The following BBX variants were observed in gnomAD, a reference collection of about 807,000 sequenced individuals.
BBX encodes BBX high mobility group box domain containing.
In BBX, 30 loss-of-function variants were observed where a neutral mutation model predicts 100.2. The ratio of observed to expected loss-of-function variants is 0.30; its 90% CI spans 0.22 to 0.41. The LOEUF (loss-of-function observed/expected upper bound fraction) is 0.41, where lower values mean the gene tolerates loss of function less well. Among genes scored for constraint, BBX ranks in the 10% least tolerant of loss-of-function variants. The pLI, the probability that BBX is intolerant of heterozygous loss-of-function variation, is 1.00. For missense variants in BBX, 1,023 were observed against 1,129.8 expected (o/e 0.91, Z 1.35); for synonymous variants, 376 against 388.1 (o/e 0.97, Z 0.37).
At chr3:107,718,875 T>C (rs1213991895) in intron 5 of BBX, among the ~76,000 whole-genome samples, 1 of 152,108 alleles carries the variant, frequency 6.6e-6, no homozygotes, top group East Asian at 1.9e-4. Context: ...TGTTAGGAAA[T>C]GTTGCCTCAT....
At chr3:107,779,204 T>G (rs927205812) in intron 13 of BBX, among the ~76,000 whole-genome samples, 4 of 151,512 alleles carry the variant, frequency 2.6e-5, no homozygotes, top group African/African-American at 9.7e-5. Flanking sequence ...TAAAGGGGAT[T>G]GTAAGAGGGT....
intron 2 of BBX, among the ~76,000 whole-genome samples, chr3:107,543,599 C>A (rs1197938922): frequency 1.3e-5 from 2 of 152,112 alleles, no homozygotes; most frequent in Non-Finnish European, 2.9e-5. Context: ...CAGTTTAGTT[C>A]CCTGTGTCCT....
intron 2 of BBX, among the ~76,000 whole-genome samples, chr3:107,564,779 C>T (rs1338779004): frequency 6.6e-6 from 1 of 152,190 alleles, no homozygotes; most frequent in Non-Finnish European, 1.5e-5. Flanking sequence ...CTCTTGCTAT[C>T]AGATAGAGCA....
intron 3 of BBX, among the ~76,000 whole-genome samples, chr3:107,679,586 A>G (rs1311411815): frequency 6.6e-6 from 1 of 152,208 alleles, no homozygotes; most frequent in Non-Finnish European, 1.5e-5. Flanking sequence ...GTGTGTGGCT[A>G]GCAACATTGA....
At chr3:107,595,883 A>G (rs1260568282) in intron 2 of BBX, among the ~76,000 whole-genome samples, 2 of 152,228 alleles carry the variant, frequency 1.3e-5, no homozygotes, top group African/African-American at 4.8e-5. Flanking sequence ...ATAGCCTACT[A>G]TTGACTGGAA....
chr3:107,795,613 CTTTTTTTTTTTT>C (rs1158136233), intron 15 of BBX, among the ~76,000 whole-genome samples: 5 of 60,002 alleles, frequency 8.3e-5, no homozygotes, highest in Non-Finnish European at 1.5e-4. Flanking sequence ...CCGACGTAGT[CTTTTTTTTTTTT>C]TTTTTTTTTT....
intron 2 of BBX, among the ~76,000 whole-genome samples, chr3:107,589,021 G>C (rs1449193863): frequency 6.6e-6 from 1 of 152,180 alleles, no homozygotes. Context: ...AGGGGGATAT[G>C]TTACACCTAC....
At chr3:107,709,575 A>G (rs1476142407) in intron 3 of BBX, among the ~76,000 whole-genome samples, 1 of 152,370 alleles carries the variant, frequency 6.6e-6, no homozygotes. Flanking sequence ...TTTCCATGAC[A>G]GTAATTTCTA....
Position 107,806,575 on chromosome 3 carries a change from A to G in BBX, c.*1118A>G, listed in dbSNP as rs918892218. 1.3e-5 allele frequency: 2 copies of G among 152,332 alleles called. No homozygotes were observed. The highest frequency in any genetic ancestry group is 4.8e-5 in the African/African-American group (2 of 41,574). 9.4% of individuals were successfully genotyped at this position (152,332 alleles called of 1,614,324 possible). On this transcript the variant is annotated 3_prime_UTR_variant, in exon 18 of 18. Transcript: ENST00000325805. ...GTACTGAGTCAATGATGAGGGAGGT[A>G]TGCCTGACCAGAGTGGGACTCTCAG... is the stretch of plus-strand genomic sequence containing the variant.
At chr3:107,588,078 G>A (rs1269828139) in intron 2 of BBX, among the ~76,000 whole-genome samples, 3 of 152,088 alleles carry the variant, frequency 2.0e-5, no homozygotes, top group Non-Finnish European at 4.4e-5. Flanking sequence ...CTTCTTATTA[G>A]GGTAGAAGTC....
At chr3:107,573,007 ATAT>A (rs2051486904) in intron 2 of BBX, among the ~76,000 whole-genome samples, 1 of 152,228 alleles carries the variant, frequency 6.6e-6, no homozygotes, top group African/African-American at 2.4e-5. Context: ...AACAATGAAA[ATAT>A]TATATTCAAT....
chr3:107,633,518 G>A (rs765510236), intron 2 of BBX, among the ~76,000 whole-genome samples: 10 of 152,126 alleles, frequency 6.6e-5, no homozygotes, highest in Non-Finnish European at 1.3e-4. Flanking sequence ...TGTCATCTCT[G>A]GGCATCATGC....
In BBX at chr3:107,710,475, T is replaced by C. The variant is rs1327954975; in HGVS notation, c.15T>C (p.Asn5=). 17 of 1,612,902 alleles carry C rather than the reference T, an allele frequency of 1.1e-5. No homozygotes were observed. Among genetic ancestry groups the C allele is most frequent in the Non-Finnish European group, 1.4e-5 (17 of 1,179,438 alleles). The change falls in exon 4 of 18, where the codon AAT becomes AAC. Residue 5 remains asparagine, a synonymous_variant. Coordinates refer to ENST00000325805, the MANE Select transcript of BBX (RefSeq NM_001142568.3). ...AGGTCACAGTAATGAAAGGCAGTAA[T>C]AGAAATAAGGATCATTCAGCAGAAG... MKGS[N]RNKDHSAEGE...
intron 15 of BBX, among the ~76,000 whole-genome samples, chr3:107,793,830 C>T (rs2069312491): frequency 6.6e-6 from 1 of 152,052 alleles, no homozygotes; most frequent in Non-Finnish European, 1.5e-5. Context: ...TTATACTGCC[C>T]TGTGTACAGG....
chr3:107,532,227 T>A (rs1363951537), intron 2 of BBX, among the ~76,000 whole-genome samples: 1 of 151,802 alleles, frequency 6.6e-6, no homozygotes, highest in Non-Finnish European at 1.5e-5. Context: ...ATGTGACCAA[T>A]GTTTACATAT....
At chr3:107,733,592 T>G (rs2063454225) in intron 7 of BBX, among the ~76,000 whole-genome samples, 1 of 152,144 alleles carries the variant, frequency 6.6e-6, no homozygotes, top group Middle Eastern at 3.2e-3. Flanking sequence ...TTCTCTCACC[T>G]CAGCCTTTTG....
intron 3 of BBX, among the ~76,000 whole-genome samples, chr3:107,702,967 G>A (rs768357852): frequency 2.6e-5 from 4 of 152,126 alleles, no homozygotes; most frequent in Non-Finnish European, 5.9e-5. Context: ...TGGGAGGTAA[G>A]ACTGGACACT....
intron 2 of BBX, among the ~76,000 whole-genome samples, chr3:107,638,778 T>TGTAC (rs1559904153): frequency 2.8e-4 from 6 of 21,628 alleles, no homozygotes; most frequent in Non-Finnish European, 5.4e-4. Flanking sequence ...AAAAAAAAAG[T>TGTAC]ATACACACAC....
At chr3:107,552,663 T>C (rs1351548566) in intron 2 of BBX, among the ~76,000 whole-genome samples, 2 of 152,210 alleles carry the variant, frequency 1.3e-5, no homozygotes, top group African/African-American at 2.4e-5. Context: ...AGTAAAATTG[T>C]ATTTTAAAAA....
Sources: gnomAD v4.1 joint callset for allele counts (sites outside exome capture counted in the v4.1 genomes callset) on GRCh38, gnomAD v4.1.1 for gene constraint, MANE v1.5 for transcripts, NCBI Gene and HGNC (gene_info 2026-07-23, HGNC 2026-07-21) for gene names.